Variants in SSBP2 observed in about 807,000 individuals in gnomAD.
SSBP2 encodes single-stranded DNA-binding protein 2.
SSBP2 carries 17 observed loss-of-function variants against 61.8 expected under a neutral mutation model. The ratio of observed to expected loss-of-function variants is 0.28; its 90% CI spans 0.19 to 0.41. The LOEUF is 0.41. SSBP2 is among the 10% of genes least tolerant of loss of function. SSBP2 has a pLI of 1.00. For missense variants in SSBP2, 310 were observed against 458.7 expected (o/e 0.68, Z 2.96); for synonymous variants, 139 against 141.3 (o/e 0.98, Z 0.12).
intron 16 of SSBP2, among the ~76,000 whole-genome samples, chr5:81,427,411 AT>A (rs201165422): frequency 0.011 from 1,638 of 152,296 alleles, 26 homozygotes; most frequent in African/African-American, 0.037. Context: ...GATCAGCATA[AT>A]TTTAACAGAA....
chr5:81,572,199 C>T (rs912903472), intron 4 of SSBP2, among the ~76,000 whole-genome samples: 23 of 152,026 alleles, frequency 1.5e-4, no homozygotes, highest in African/African-American at 5.6e-4. Context: ...TACTGAAAAT[C>T]CAATTAATCT....
chr5:81,484,681 TAC>T (rs1486228094), intron 6 of SSBP2, among the ~76,000 whole-genome samples: 1 of 152,154 alleles, frequency 6.6e-6, no homozygotes, highest in Non-Finnish European at 1.5e-5. Flanking sequence ...ATTAAACAGA[TAC>T]ATTTTATCAT....
At chr5:81,592,128 T>A (rs1465775542) in intron 4 of SSBP2, among the ~76,000 whole-genome samples, 2 of 152,156 alleles carry the variant, frequency 1.3e-5, no homozygotes, top group Non-Finnish European at 2.9e-5. Context: ...ATCGGGTCAC[T>A]CCCACCCTAA....
chr5:81,719,483 A>G (rs1005440822), intron 1 of SSBP2, among the ~76,000 whole-genome samples: 3 of 152,202 alleles, frequency 2.0e-5, no homozygotes, highest in Non-Finnish European at 4.4e-5. Context: ...TGGGTGCCCA[A>G]GGTTTCTATC....
intron 4 of SSBP2, among the ~76,000 whole-genome samples, chr5:81,523,360 T>C (rs1769640540): frequency 6.6e-6 from 1 of 152,098 alleles, no homozygotes; most frequent in South Asian, 2.1e-4. Context: ...GCATTCTGTA[T>C]TTAGCTTAAC....
chr5:81,512,532 G>A (rs980481681), intron 5 of SSBP2, among the ~76,000 whole-genome samples: 3 of 152,204 alleles, frequency 2.0e-5, no homozygotes, highest in Non-Finnish European at 4.4e-5. Context: ...GGGCCCCCAC[G>A]ACAGAATGTG....
At chr5:81,471,836 TC>T (rs911762695) in intron 8 of SSBP2, among the ~76,000 whole-genome samples, 2 of 151,634 alleles carry the variant, frequency 1.3e-5, no homozygotes, top group African/African-American at 4.8e-5. Context: ...GTTTTTTTTT[TC>T]CTATAATATG....
chr5:81,580,786 G>A (rs1581079521), intron 4 of SSBP2, among the ~76,000 whole-genome samples: 2 of 151,444 alleles, frequency 1.3e-5, no homozygotes, highest in Middle Eastern at 3.4e-3. Flanking sequence ...TAGAAGGCAA[G>A]GACATACAAT....
intron 4 of SSBP2, among the ~76,000 whole-genome samples, chr5:81,585,205 A>G (rs1032873858): frequency 8.6e-5 from 13 of 151,920 alleles, no homozygotes; most frequent in Non-Finnish European, 1.5e-4. Context: ...CCCATACTCA[A>G]TCCTCCCTTA....
At chr5:81,553,790 T>C (rs903100146) in intron 4 of SSBP2, among the ~76,000 whole-genome samples, 3 of 152,148 alleles carry the variant, frequency 2.0e-5, no homozygotes, top group Non-Finnish European at 4.4e-5. Context: ...GTGAACTAAA[T>C]GTTTGTATAG....
At chr5:81,552,639 T>TAAA (rs33979294) in intron 4 of SSBP2, among the ~76,000 whole-genome samples, 10 of 115,914 alleles carry the variant, frequency 8.6e-5, no homozygotes, top group Admixed American at 3.7e-4. Context: ...CTATGTCTCT[T>TAAA]AAAAAAAAAA....
At position 81,438,964 on chromosome 5, in the gene SSBP2, TTTAAAA is replaced by T. The variant is rs200577208; in HGVS notation, c.929-1512_929-1507del. Among the ~76,000 whole-genome samples, 290 of 152,326 alleles carry T rather than the reference TTTAAAA, an allele frequency of 1.9e-3. 4 individuals are homozygous for T. In the East Asian group the frequency reaches 0.034, roughly 18 times the overall value. On this transcript the variant is annotated intron_variant, in intron 14 of 16. Transcript: ENST00000320672. Reference sequence around the variant, plus strand: ...GAACTGAATTTTAAAATTTACTTAATTTAAAATTAAATAGTCACACATGGCTAGTGG... The same window carrying T: ...GAACTGAATTTTAAAATTTACTTAATTTAAATAGTCACACATGGCTAGTGG...
chr5:81,681,219 A>G (rs1292844851), intron 1 of SSBP2, among the ~76,000 whole-genome samples: 4 of 152,128 alleles, frequency 2.6e-5, no homozygotes, highest in African/African-American at 7.2e-5. Context: ...AATATTTTGA[A>G]CTAAAAAAAT....
At chr5:81,579,185 A>G (rs911046593) in intron 4 of SSBP2, among the ~76,000 whole-genome samples, 1 of 152,114 alleles carries the variant, frequency 6.6e-6, no homozygotes, top group African/African-American at 2.4e-5. Context: ...AAGGAAAATG[A>G]TATCAGGAAT....
chr5:81,535,910 T>TA (rs1770767292), intron 4 of SSBP2, among the ~76,000 whole-genome samples: 1 of 152,022 alleles, frequency 6.6e-6, no homozygotes, highest in South Asian at 2.1e-4. Context: ...TCATTAGAAT[T>TA]AAAAAACTTC....
intron 4 of SSBP2, among the ~76,000 whole-genome samples, chr5:81,516,607 G>A (rs535802831): frequency 6.6e-6 from 1 of 151,850 alleles, no homozygotes; most frequent in Non-Finnish European, 1.5e-5. Context: ...TGTATTACAC[G>A]GACTCAGCTT....
intron 4 of SSBP2, among the ~76,000 whole-genome samples, chr5:81,538,906 G>C (rs1330858281): frequency 1.3e-5 from 2 of 152,152 alleles, no homozygotes; most frequent in Non-Finnish European, 2.9e-5. Flanking sequence ...GATATACAAG[G>C]AGACTGATGT....
chr5:81,628,228 G>A (rs1304111328), intron 3 of SSBP2, among the ~76,000 whole-genome samples: 1 of 152,190 alleles, frequency 6.6e-6, no homozygotes, highest in Admixed American at 6.5e-5. Flanking sequence ...CGACAGCATG[G>A]AGAAGAATGA....
In SSBP2 at chr5:81,466,882, G is replaced by A. The variant is rs13189340; in HGVS notation, c.638+92C>T. ...ACGTCATTTTAGAGGCCAGAAAATA[G>A]AACACTTTACTAAATAGAATAATAT... is the stretch of plus-strand genomic sequence containing the variant. On this transcript the variant is annotated intron_variant, in intron 9 of 16. Coordinates refer to ENST00000320672, the MANE Select transcript of SSBP2 (RefSeq NM_012446.5). 9 of 750,994 alleles carry A rather than the reference G, an allele frequency of 1.2e-5. 1 individual carries two copies. Among genetic ancestry groups the A allele is most frequent in the Non-Finnish European group, 1.8e-5 (9 of 509,810 alleles). 46.5% of individuals were successfully genotyped at this position (750,994 alleles called of 1,614,324 possible). A position where few individuals can be genotyped will look rare whatever the true frequency, so the allele number is the denominator to read the frequency against.
Sources: gnomAD v4.1 joint callset for allele counts (sites outside exome capture counted in the v4.1 genomes callset) on GRCh38, gnomAD v4.1.1 for gene constraint, MANE v1.5 for transcripts, NCBI Gene and HGNC (gene_info 2026-07-23, HGNC 2026-07-21) for gene names.